Variants in DLG2 observed in about 807,000 individuals in gnomAD.
DLG2 encodes the protein disks large homolog 2.
A neutral mutation model predicts 132.5 loss-of-function variants in DLG2; 45 were observed. The observed-to-expected ratio is 0.34, with a 90% CI of 0.27 to 0.44. The LOEUF is 0.44. Ranked by LOEUF, DLG2 falls within the 20% of genes least tolerant of loss-of-function variation. The pLI is 1.00. For missense variants in DLG2, 1,045 were observed against 1,196.9 expected, an observed-to-expected ratio of 0.87 and a Z score of 1.87; for synonymous variants, 424 against 419.6, an observed-to-expected ratio of 1.01 and a Z score of -0.13.
chr11:84,227,996 C>T (rs1307033668), intron 8 of DLG2, among the ~76,000 whole-genome samples: 1 of 150,926 alleles, frequency 6.6e-6, no homozygotes, highest in Non-Finnish European at 1.5e-5. Flanking sequence ...AGTCTTGGAT[C>T]TATGGTGGAA....
chr11:84,158,062 G>GA (rs1566748781), intron 9 of DLG2, among the ~76,000 whole-genome samples: 29 of 149,076 alleles, frequency 1.9e-4, no homozygotes, highest in African/African-American at 7.3e-4. Flanking sequence ...TTTGTGTTTT[G>GA]TTTTTTTGGT....
chr11:85,193,612 A>G (rs2080794425), intron 4 of DLG2, among the ~76,000 whole-genome samples: 1 of 151,922 alleles, frequency 6.6e-6, no homozygotes, highest in Admixed American at 6.5e-5. Flanking sequence ...TTTGACTTGC[A>G]TTTCCCTAAT....
In DLG2 at chr11:84,457,829, T is replaced by C. The variant is rs533805428; in HGVS notation, c.519+76741A>G. Among the ~76,000 whole-genome samples the C allele has an allele frequency of 2.0e-4, 30 of 151,048 alleles. No homozygotes were observed. In the South Asian group the frequency reaches 2.1e-3, roughly 10 times the overall value. On this transcript the variant is annotated intron_variant, in intron 7 of 27. Coordinates refer to ENST00000376104, the MANE Select transcript of DLG2 (RefSeq NM_001142699.3). Reference sequence around the variant, plus strand: ...GATTAAATACAACAAATCTCATAAATACCAATTTTTACATTGCATGTAAAC... The same window carrying C: ...GATTAAATACAACAAATCTCATAAACACCAATTTTTACATTGCATGTAAAC...
intron 6 of DLG2, among the ~76,000 whole-genome samples, chr11:84,674,331 T>A (rs1342002579): frequency 6.6e-6 from 1 of 152,126 alleles, no homozygotes; most frequent in African/African-American, 2.4e-5. Context: ...GAAGACTTTT[T>A]ACTTCCTTGA....
intron 7 of DLG2, among the ~76,000 whole-genome samples, chr11:84,308,542 G>C (rs192181851): frequency 0.011 from 1,703 of 152,338 alleles, 8 homozygotes; most frequent in Middle Eastern, 0.02. Flanking sequence ...GTCCCCCGCC[G>C]TGCGCCCGCA....
chr11:83,876,792 A>C (rs2064888698), intron 15 of DLG2, among the ~76,000 whole-genome samples: 1 of 152,156 alleles, frequency 6.6e-6, no homozygotes, highest in African/African-American at 2.4e-5. Context: ...TATTTCACAT[A>C]GTTGTATATA....
intron 3 of DLG2, among the ~76,000 whole-genome samples, chr11:85,300,838 CA>C (rs1403851929): frequency 2.0e-5 from 3 of 151,914 alleles, no homozygotes; most frequent in Non-Finnish European, 4.4e-5. Context: ...AGTTTGAGGA[CA>C]GGGAAGTGGA....
chr11:84,623,808 C>A (rs887566329), intron 6 of DLG2, among the ~76,000 whole-genome samples: 1 of 152,196 alleles, frequency 6.6e-6, no homozygotes, highest in Non-Finnish European at 1.5e-5. Flanking sequence ...AGTATACATA[C>A]GTCCTTCCCA....
At chr11:84,070,640 T>C (rs999715079) in intron 10 of DLG2, among the ~76,000 whole-genome samples, 24 of 152,340 alleles carry the variant, frequency 1.6e-4, no homozygotes, top group Middle Eastern at 3.4e-3. Flanking sequence ...TGGCATTAAA[T>C]TGATGAACAT....
At chr11:83,884,810 C>A (rs1238707437) in intron 15 of DLG2, among the ~76,000 whole-genome samples, 4 of 152,182 alleles carry the variant, frequency 2.6e-5, no homozygotes, top group African/African-American at 9.6e-5. Context: ...GTTCTGCAGC[C>A]ACCGCTGCTG....
At chr11:85,361,162 A>G (rs1018615585) in intron 3 of DLG2, among the ~76,000 whole-genome samples, 1 of 151,940 alleles carries the variant, frequency 6.6e-6, no homozygotes, top group South Asian at 2.1e-4. Context: ...TTGGTCCACA[A>G]ACTTTTTTCT....
chr11:84,331,352 G>A (rs1160100922), intron 7 of DLG2, among the ~76,000 whole-genome samples: 1 of 151,320 alleles, frequency 6.6e-6, no homozygotes, highest in African/African-American at 2.4e-5. Context: ...TCAAGGTCAT[G>A]CAGCTATTAA....
intron 3 of DLG2, among the ~76,000 whole-genome samples, chr11:85,413,669 C>G (rs1336068869): frequency 2.0e-5 from 3 of 151,984 alleles, no homozygotes; most frequent in Non-Finnish European, 4.4e-5. Flanking sequence ...GTGTCCTTTC[C>G]ACACTTTATG....
At chr11:84,444,213 C>G (rs985449270) in intron 7 of DLG2, among the ~76,000 whole-genome samples, 1 of 151,930 alleles carries the variant, frequency 6.6e-6, no homozygotes, top group African/African-American at 2.4e-5. Flanking sequence ...ACACTGGGGC[C>G]TATCGGGTGT....
At chr11:83,734,935 C>T in intron 18 of DLG2, among the ~76,000 whole-genome samples, 1 of 151,810 alleles carries the variant, frequency 6.6e-6, no homozygotes, top group East Asian at 1.9e-4. Context: ...TTGTCGTACA[C>T]CACACACAAA....
At chr11:84,307,862 C>G (rs1173662403) in intron 7 of DLG2, among the ~76,000 whole-genome samples, 1 of 151,802 alleles carries the variant, frequency 6.6e-6, no homozygotes, top group African/African-American at 2.4e-5. Context: ...AGCTGCGGAC[C>G]TTCGCGGTGA....
chr11:84,743,834 C>T (rs996663346), intron 6 of DLG2, among the ~76,000 whole-genome samples: 1 of 152,054 alleles, frequency 6.6e-6, no homozygotes, highest in East Asian at 1.9e-4. Context: ...AAATGATTCT[C>T]CTTCCTCAGC....
chr11:85,120,654 A>G (rs534611417), intron 5 of DLG2, among the ~76,000 whole-genome samples: 1 of 152,058 alleles, frequency 6.6e-6, no homozygotes, highest in Non-Finnish European at 1.5e-5. Flanking sequence ...TTCTCATTGT[A>G]AAAGCATGAA....
chr11:85,208,603 A>G (rs2082052446), intron 4 of DLG2, among the ~76,000 whole-genome samples: 1 of 152,118 alleles, frequency 6.6e-6, no homozygotes, highest in Non-Finnish European at 1.5e-5. Context: ...TTCTGATCAC[A>G]TTTTCCCTGG....
Sources: gnomAD v4.1 joint callset for allele counts (sites outside exome capture counted in the v4.1 genomes callset) on GRCh38, gnomAD v4.1.1 for gene constraint, MANE v1.5 for transcripts, NCBI Gene and HGNC (gene_info 2026-07-23, HGNC 2026-07-21) for gene names.